Variants in SLC44A5 observed in about 807,000 individuals in gnomAD.
SLC44A5 encodes the protein choline transporter-like protein 5.
Under a neutral mutation model 101.8 loss-of-function variants are expected in SLC44A5, and 57 were observed. The observed-to-expected ratio is 0.56, with a 90% CI of 0.45 to 0.70. The LOEUF (loss-of-function observed/expected upper bound fraction) is 0.70. Among genes scored for constraint, SLC44A5 ranks in the 30% least tolerant of loss-of-function variants. The pLI, the probability that SLC44A5 is intolerant of heterozygous loss-of-function variation, is 0.00. For missense variants in SLC44A5, 737 were observed against 853.1 expected (o/e 0.86, Z 1.70); for synonymous variants, 281 against 290.9 (o/e 0.97, Z 0.35).
At chr1:75,432,004 A>AT (rs1391778221) in intron 2 of SLC44A5, among the ~76,000 whole-genome samples, 2 of 152,126 alleles carry the variant, frequency 1.3e-5, no homozygotes, top group African/African-American at 4.8e-5. Flanking sequence ...GTCTCCACTT[A>AT]GAATATGTGA....
intron 2 of SLC44A5, among the ~76,000 whole-genome samples, chr1:75,473,490 C>T (rs1377272397): frequency 6.6e-6 from 1 of 152,112 alleles, no homozygotes; most frequent in Non-Finnish European, 1.5e-5. Flanking sequence ...GTGAGGTAGG[C>T]GATGGGGTTT....
the SLC44A5 span, among the ~76,000 whole-genome samples, chr1:75,708,248 T>A: frequency 6.8e-6 from 1 of 147,334 alleles, no homozygotes; most frequent in African/African-American, 2.6e-5. Flanking sequence ...CCATCTCTAC[T>A]GAAAATACAA....
At chr1:75,214,407 C>T (rs1012988968) in intron 20 of SLC44A5, among the ~76,000 whole-genome samples, 198 bp downstream of exon 20, 1 of 152,074 alleles carries the variant, frequency 6.6e-6, no homozygotes, top group Non-Finnish European at 1.5e-5. Context: ...CCTAAAGACA[C>T]AGGTGGGTAA....
intron 7 of SLC44A5, 46 bp downstream of exon 7, chr1:75,251,164 A>G (rs1055270393): frequency 2.8e-6 from 4 of 1,423,564 alleles, no homozygotes; most frequent in Non-Finnish European, 3.0e-6. Flanking sequence ...TTATCCAAGA[A>G]TGTTCAGAAC....
chr1:75,370,543 T>A (rs952742553), intron 3 of SLC44A5, among the ~76,000 whole-genome samples: 1 of 152,158 alleles, frequency 6.6e-6, no homozygotes, highest in African/African-American at 2.4e-5. Context: ...CTCAGTGAAC[T>A]ACAAAGTCAA....
intron 23 of SLC44A5, chr1:75,205,938 A>T (rs2100422369): frequency 6.6e-6 from 1 of 152,302 alleles, no homozygotes; most frequent in Admixed American, 6.5e-5. Flanking sequence ...GACACTCCAG[A>T]ACTCAGATTC....
intron 2 of SLC44A5, among the ~76,000 whole-genome samples, chr1:75,525,998 T>C (rs766580487): frequency 3.3e-5 from 5 of 152,332 alleles, no homozygotes; most frequent in Non-Finnish European, 7.4e-5. Flanking sequence ...GTACGTTTAA[T>C]GTAATATATT....
intron 2 of SLC44A5, among the ~76,000 whole-genome samples, chr1:75,533,910 A>T (rs1050914509): frequency 1.3e-5 from 2 of 152,210 alleles, no homozygotes; most frequent in Non-Finnish European, 2.9e-5. Flanking sequence ...CTTTAGGTAA[A>T]TTATGAAGAG....
chr1:75,253,208 C>G (rs1403051667), intron 6 of SLC44A5, among the ~76,000 whole-genome samples: 2 of 152,140 alleles, frequency 1.3e-5, no homozygotes, highest in African/African-American at 4.8e-5. Context: ...AAGCTAGAAC[C>G]AGAAAGGAAG....
rs911562949 is a variant in SLC44A5, at chr1:75,220,064, C to T, written c.1086-172G>A. Among the ~76,000 whole-genome samples the T allele has an allele frequency of 3.3e-5, 5 of 152,164 alleles. No individual in the cohort carries two copies. The East Asian group carries it at 5.8e-4, about 18-fold the overall frequency. On this transcript the variant is annotated intron_variant, in intron 14 of 23. Coordinates refer to ENST00000370859, the MANE Select transcript of SLC44A5 (RefSeq NM_001130058.2). ...TATTTATTTACTTTTTTTAAAAGTA[C>T]GTTGAGGCATTTTTCCGATGCACAT...
At chr1:75,699,570 G>A in the SLC44A5 span, among the ~76,000 whole-genome samples, 228 of 148,044 alleles carry the variant, frequency 1.5e-3, no homozygotes, top group African/African-American at 5.6e-3. Context: ...AAACACCATC[G>A]AGACTAGGAA....
At chr1:75,416,070 T>C (rs1663623302) in intron 2 of SLC44A5, among the ~76,000 whole-genome samples, 1 of 152,182 alleles carries the variant, frequency 6.6e-6, no homozygotes, top group Non-Finnish European at 1.5e-5. Context: ...AATGAGGAGC[T>C]GAATGTTAAT....
At chr1:75,448,276 A>G (rs184496706) in intron 2 of SLC44A5, among the ~76,000 whole-genome samples, 5 of 152,226 alleles carry the variant, frequency 3.3e-5, no homozygotes, top group African/African-American at 1.2e-4. Context: ...CTAATGTTCA[A>G]GTCTGCATAG....
chr1:75,469,900 GAAAAAAAAAA>G lies in SLC44A5; in HGVS notation c.13+71525_13+71534del, dbSNP rs1171157547. Among the ~76,000 whole-genome samples the G allele has an allele frequency of 7.4e-5, 6 of 80,542 alleles. No homozygotes were observed. In the South Asian group the frequency reaches 1.8e-3, roughly 24 times the overall value. The allele number at this position is 80,542 out of a possible 152,430, so 52.8% of individuals were successfully genotyped here. A position where few individuals can be genotyped will look rare whatever the true frequency, so the allele number is the denominator to read the frequency against. On this transcript the variant is annotated intron_variant, in intron 2 of 23. Transcript: ENST00000370859. ...GGGCGACAGAGAGAGACCTTGTGAAGAAAAAAAAAAAAAAAAAAAAAAAAGTAGAGTCAAC... is the reference window on the plus strand; with the variant it reads ...GGGCGACAGAGAGAGACCTTGTGAAGAAAAAAAAAAAAAAGTAGAGTCAAC...
chr1:75,612,509 T>G (rs1675698608), upstream of SLC44A5, among the ~76,000 whole-genome samples: 1 of 152,212 alleles, frequency 6.6e-6, no homozygotes, highest in Non-Finnish European at 1.5e-5. Flanking sequence ...ATGCCACCTT[T>G]CCAGACAATC....
intron 2 of SLC44A5, among the ~76,000 whole-genome samples, chr1:75,450,461 G>C (rs974117836): frequency 4.6e-5 from 7 of 152,232 alleles, no homozygotes; most frequent in Admixed American, 2.6e-4. Flanking sequence ...TCTCAGGCCA[G>C]AGATTGGAGA....
intron 7 of SLC44A5, among the ~76,000 whole-genome samples, chr1:75,247,418 A>G (rs1242602892): frequency 6.6e-6 from 1 of 152,148 alleles, no homozygotes; most frequent in African/African-American, 2.4e-5. Flanking sequence ...CCAAATATTC[A>G]TGTAGAAATA....
chr1:75,267,008 G>A (rs536582348), intron 6 of SLC44A5, among the ~76,000 whole-genome samples: 1 of 152,158 alleles, frequency 6.6e-6, no homozygotes, highest in African/African-American at 2.4e-5. Flanking sequence ...AGCACACTGC[G>A]CCGAACACAA....
the SLC44A5 span, among the ~76,000 whole-genome samples, chr1:75,664,930 A>G: frequency 1.0e-4 from 2 of 19,850 alleles, no homozygotes; most frequent in South Asian, 8.1e-4. Flanking sequence ...CAAAAAAAAG[A>G]AAAAAAAAAA....
Sources: gnomAD v4.1 joint callset for allele counts (sites outside exome capture counted in the v4.1 genomes callset) on GRCh38, gnomAD v4.1.1 for gene constraint, MANE v1.5 for transcripts, NCBI Gene and HGNC (gene_info 2026-07-23, HGNC 2026-07-21) for gene names.